The following SNAPC3 variants were observed in gnomAD, a reference collection of about 807,000 sequenced individuals.
SNAPC3 encodes the protein small nuclear RNA activating complex polypeptide 3, also known as snRNA-activating protein complex subunit 3.
In SNAPC3, 56 loss-of-function variants were observed where a neutral mutation model predicts 47.7. The observed-to-expected ratio is 1.18, with a 90% CI of 0.95 to 1.47. SNAPC3 has a LOEUF of 1.47. Ranked by LOEUF, SNAPC3 falls within the 40% of genes most tolerant of loss-of-function variation. The probability of loss-of-function intolerance (pLI) is 0.00; values close to 1 mark genes in which losing one functional copy is unlikely to be tolerated. For missense variants in SNAPC3, 665 were observed against 511.3 expected, an observed-to-expected ratio of 1.30 and a Z score of -2.90; for synonymous variants, 235 against 189.9, an observed-to-expected ratio of 1.24 and a Z score of -1.95.
chr9:15,465,288 A>G (rs1327177218), downstream of SNAPC3: 7 of 443,788 alleles, frequency 1.6e-5, no homozygotes, highest in East Asian at 3.7e-5. Flanking sequence ...GCAGTTTAAC[A>G]TTTTCTAAAT....
intron 4 of SNAPC3, among the ~76,000 whole-genome samples, chr9:15,446,321 C>T (rs1419712914): frequency 6.6e-6 from 1 of 152,134 alleles, no homozygotes; most frequent in African/African-American, 2.4e-5. Context: ...ATCCTCCTGC[C>T]TCAGCCTCCC....
At chr9:15,445,045 G>A (rs2033815056) in intron 4 of SNAPC3, among the ~76,000 whole-genome samples, 1 of 152,194 alleles carries the variant, frequency 6.6e-6, no homozygotes. Flanking sequence ...AGCGAGCTAT[G>A]ATTGCACCAC....
intron 3 of SNAPC3, among the ~76,000 whole-genome samples, chr9:15,440,672 G>A (rs963968958): frequency 2.0e-5 from 3 of 152,152 alleles, no homozygotes; most frequent in African/African-American, 4.8e-5. Flanking sequence ...AATCAGGGCC[G>A]GGCGCGGTGG....
At chr9:15,438,267 A>T (rs1358482065) in intron 3 of SNAPC3, among the ~76,000 whole-genome samples, 1 of 152,166 alleles carries the variant, frequency 6.6e-6, no homozygotes, top group African/African-American at 2.4e-5. Flanking sequence ...TTGTTGGCAA[A>T]CAGTAGTTCA....
At chr9:15,426,250 T>TTGCCCA (rs1554647327) in intron 2 of SNAPC3, among the ~76,000 whole-genome samples, 1 of 152,124 alleles carries the variant, frequency 6.6e-6, no homozygotes, top group Non-Finnish European at 1.5e-5. Context: ...ACTCCAGGCC[T>TTGCCCA]TTGCCCAGAA....
chr9:15,423,821 C>G (rs901685116), intron 1 of SNAPC3, 88 bp from the exon 2 acceptor site: 6 of 655,594 alleles, frequency 9.2e-6, no homozygotes, highest in Non-Finnish European at 1.5e-5. Context: ...CTTCGTAATT[C>G]AGTAATGTAT....
chr9:15,455,352 C>G (rs1160888912), intron 7 of SNAPC3, among the ~76,000 whole-genome samples: 1 of 152,114 alleles, frequency 6.6e-6, no homozygotes, highest in Non-Finnish European at 1.5e-5. Flanking sequence ...AGATTACTTG[C>G]AGTCAGGAGT....
At chr9:15,464,115 G>C (rs1233679363), downstream of SNAPC3, 1 of 180,982 alleles carries the variant, frequency 5.5e-6, no homozygotes, top group Admixed American at 6.3e-5. Flanking sequence ...TTGAACTTAT[G>C]GCTTAACTAG....
chr9:15,430,162 G>A (rs932076994), intron 2 of SNAPC3, among the ~76,000 whole-genome samples: 3 of 152,226 alleles, frequency 2.0e-5, no homozygotes, highest in Non-Finnish European at 2.9e-5. Flanking sequence ...TGCGTGCAGT[G>A]GCTCATGCCT....
In SNAPC3 at chr9:15,422,895, C is replaced by G. The variant is rs777523833; in HGVS notation, c.16C>G (p.Arg6Gly). Residue 6 changes from arginine to glycine, a missense_variant, in exon 1 of 9, where the codon CGA becomes GGA. Coordinates refer to ENST00000380821, the MANE Select transcript of SNAPC3 (RefSeq NM_001039697.2). ...TGGGGCGAACATGGCTGAAGGAAGC[C>G]GAGGTGGCCCTACGTGTAGCGGGGT... is the stretch of plus-strand genomic sequence containing the variant. MAEGS[R>G]GGPTCSGVGG... 3 of 1,534,488 alleles carry G rather than the reference C, an allele frequency of 2.0e-6. No individual in the cohort carries two copies. Among genetic ancestry groups the G allele is most frequent in the African/African-American group, 1.4e-5 (1 of 71,154 alleles).
At chr9:15,448,607 C>A (rs1335591625) in intron 5 of SNAPC3, among the ~76,000 whole-genome samples, 1 of 152,150 alleles carries the variant, frequency 6.6e-6, no homozygotes, top group Non-Finnish European at 1.5e-5. Context: ...CACAGGCTGA[C>A]TATATTCGTT....
intron 4 of SNAPC3, among the ~76,000 whole-genome samples, 191 bp from the exon 5 acceptor site, chr9:15,446,903 AG>A (rs2033975631): frequency 6.6e-6 from 1 of 152,184 alleles, no homozygotes; most frequent in Non-Finnish European, 1.5e-5. Flanking sequence ...TCTGGATCAC[AG>A]GGGAGATGTA....
chr9:15,456,425 A>G (rs2034797722), intron 7 of SNAPC3, among the ~76,000 whole-genome samples: 1 of 152,230 alleles, frequency 6.6e-6, no homozygotes. Context: ...AGTGATCAAC[A>G]AAAGAAACAT....
At chr9:15,458,098 G>A in intron 8 of SNAPC3, 31 bp downstream of exon 8, 1 of 1,068,860 alleles carries the variant, frequency 9.4e-7, no homozygotes, top group Non-Finnish European at 1.3e-6. Flanking sequence ...TTTTTTCTCT[G>A]AGAAATGGCA....
intron 2 of SNAPC3, among the ~76,000 whole-genome samples, chr9:15,427,575 C>T (rs1308274551): frequency 6.6e-6 from 1 of 152,174 alleles, no homozygotes; most frequent in East Asian, 1.9e-4. Flanking sequence ...GTCTCAAACT[C>T]CTGACCTCAA....
At chr9:15,428,382 G>A (rs368360421) in intron 2 of SNAPC3, among the ~76,000 whole-genome samples, 10 of 151,762 alleles carry the variant, frequency 6.6e-5, no homozygotes, top group Non-Finnish European at 1.2e-4. Flanking sequence ...GGTGGCGGGC[G>A]CCTGTAGTCC....
downstream of SNAPC3, chr9:15,464,625 G>A (rs2035486385): frequency 5.1e-6 from 1 of 197,882 alleles, no homozygotes; most frequent in East Asian, 8.0e-5. Context: ...TATTGTATAA[G>A]CATCATGATT....
At chr9:15,432,875 G>A (rs2032338251) in intron 2 of SNAPC3, among the ~76,000 whole-genome samples, 1 of 152,146 alleles carries the variant, frequency 6.6e-6, no homozygotes. Flanking sequence ...TGAAGTTTGA[G>A]GAGAAACAAG....
intron 2 of SNAPC3, among the ~76,000 whole-genome samples, chr9:15,433,133 A>G (rs80180139): frequency 0.011 from 1,663 of 152,338 alleles, 30 homozygotes; most frequent in African/African-American, 0.037. Context: ...AGGACATTCT[A>G]TAAAATAACT....
Sources: allele counts gnomAD v4.1 joint callset (sites outside exome capture counted in the v4.1 genomes callset), GRCh38; gene constraint gnomAD v4.1.1; transcripts MANE v1.5; gene names NCBI Gene and HGNC (gene_info 2026-07-23, HGNC 2026-07-21).